APTX: variants seen among roughly 807,000 people sequenced by gnomAD.
APTX encodes aprataxin, also known as forkhead-associated domain histidine triad-like protein.
A neutral mutation model predicts 42.3 loss-of-function variants in APTX; 33 were observed. That is an observed-to-expected ratio of 0.78 (90% CI 0.59 to 1.04). The LOEUF (loss-of-function observed/expected upper bound fraction) is 1.04, where lower values mean the gene tolerates loss of function less well. Among genes scored for constraint, APTX ranks in the 50% least tolerant of loss-of-function variants. APTX has a pLI of 0.00. For missense variants in APTX, 421 were observed against 415.1 expected (o/e 1.01, Z -0.12); for synonymous variants, 130 against 146.7 (o/e 0.89, Z 0.82).
At chr9:32,989,034 C>A (rs967525957) in intron 2 of APTX, among the ~76,000 whole-genome samples, 1 of 152,158 alleles carries the variant, frequency 6.6e-6, no homozygotes, top group African/African-American at 2.4e-5. Flanking sequence ...GACAGGGTGC[C>A]ACATACATGC....
intron 6 of APTX, chr9:32,980,385 G>A: frequency 5.6e-6 from 1 of 177,674 alleles, no homozygotes. Flanking sequence ...ACTTGGCAAT[G>A]GGAACCACCT....
At chr9:33,022,883 C>G (rs531471431) in intron 1 of APTX, among the ~76,000 whole-genome samples, 7 of 152,206 alleles carry the variant, frequency 4.6e-5, no homozygotes, top group Non-Finnish European at 1.0e-4. Flanking sequence ...GCTCTGTCGT[C>G]CAGGCTGAGG....
At chr9:33,022,415 C>G (rs1027800485) in intron 1 of APTX, among the ~76,000 whole-genome samples, 2 of 152,224 alleles carry the variant, frequency 1.3e-5, no homozygotes, top group African/African-American at 4.8e-5. Context: ...CTCATATTGG[C>G]AAGGCCCACT....
chr9:33,016,361 C>CAACA lies in APTX; in HGVS notation c.-5+8658_-5+8661dup, dbSNP rs561413631. The CAACA allele has an allele frequency of 8.5e-5, 13 of 152,276 alleles. No homozygotes were observed. The South Asian group carries it at 2.5e-3, about 29-fold the overall frequency. The allele number at this position is 152,276 out of a possible 1,614,324, so 9.4% of individuals were successfully genotyped here. ...GTTTTAGCCATGTAAAAATTCATTT[C>CAACA]AACAAACAGCACACAGAAGATCTCA... On this transcript the variant is annotated intron_variant, in intron 1 of 6. Coordinates refer to the APTX transcript ENST00000436040.
upstream of APTX, among the ~76,000 whole-genome samples, chr9:33,002,266 T>C (rs977602108): frequency 1.3e-5 from 2 of 152,156 alleles, no homozygotes; most frequent in African/African-American, 4.8e-5. Context: ...GGTAAAAGTA[T>C]AGTTTATAAT....
intron 1 of APTX, chr9:33,024,666 A>G (rs796320288): frequency 3.9e-4 from 59 of 152,322 alleles, no homozygotes; most frequent in African/African-American, 1.3e-3. Context: ...TCCAGGGCAG[A>G]TAACATGTGT....
At chr9:32,999,900 C>A (rs1302493493) in intron 1 of APTX, among the ~76,000 whole-genome samples, 3 of 152,174 alleles carry the variant, frequency 2.0e-5, no homozygotes, top group Non-Finnish European at 4.4e-5. Context: ...GCGGAGCTTG[C>A]AGTGAGCCGA....
intron 1 of APTX, among the ~76,000 whole-genome samples, chr9:33,024,368 G>A (rs1427024329): frequency 6.6e-6 from 1 of 152,222 alleles, no homozygotes. Context: ...CCTGGATAAA[G>A]AAGCGGACCC....
chr9:32,986,055 C>CAA (rs748400752), intron 4 of APTX, 25 bp from the exon 5 acceptor site: 1,065 of 519,730 alleles, frequency 2.0e-3, no homozygotes, highest in South Asian at 3.1e-3. Context: ...AAAAAAAAAA[C>CAA]AAAAAAAAAA....
intron 1 of APTX, among the ~76,000 whole-genome samples, chr9:33,010,418 C>T (rs991412033): frequency 6.6e-6 from 1 of 152,124 alleles, no homozygotes; most frequent in African/African-American, 2.4e-5. Context: ...CCACAGTGAA[C>T]AAAACAAAGT....
rs1308904262 is a variant in APTX at position 32,974,516 on chromosome 9, G to A, written c.816C>T (p.Cys272=). Residue 272 remains cysteine, a synonymous_variant, in exon 7 of 8, where the codon TGC becomes TGT. Transcript: ENST00000379817. ...HVISQDFDSP[C]LKNKKHWNSF... ...AATTCCAATGTTTTTTGTTTTTAAG[G>A]CAAGGAGAATCAAAATCCTGGCTGA... 1.2e-6 allele frequency: 2 copies of A among 1,611,764 alleles called. No homozygotes were observed. The highest frequency in any genetic ancestry group is 2.7e-5 in the African/African-American group (2 of 74,792).
intron 1 of APTX, chr9:32,990,220 T>C (rs977225523): frequency 7.7e-5 from 18 of 233,746 alleles, no homozygotes; most frequent in African/African-American, 3.9e-4. Flanking sequence ...TCCCCCAGGC[T>C]GGCACGCAGT....
At chr9:33,019,400 TTTAAA>T (rs1318795305) in intron 1 of APTX, among the ~76,000 whole-genome samples, 4 of 152,168 alleles carry the variant, frequency 2.6e-5, no homozygotes, top group Non-Finnish European at 5.9e-5. Context: ...TTCTAAGAAA[TTTAAA>T]TTAATTTATA....
rs560119062 is a variant in APTX at position 33,001,311 on chromosome 9, G to C, written c.-5+256C>G. On this transcript the variant is annotated intron_variant, in intron 1 of 7. Coordinates refer to ENST00000379817, the MANE Select transcript of APTX (RefSeq NM_001195248.2). ...CCATTCTCTAATATTTTTTCGGCTT[G>C]TGTTGCGACCAAGGTACATACAGGT... 4.1e-4 allele frequency: 618 copies of C among 1,508,198 alleles called. 5 individuals carry two copies. Among genetic ancestry groups the C allele is most frequent in the Non-Finnish European group, 2.0e-4 (230 of 1,130,944 alleles). 93.4% of individuals were successfully genotyped at this position (1,508,198 alleles called of 1,614,324 possible). A position where few individuals can be genotyped will look rare whatever the true frequency, so the allele number is the denominator to read the frequency against.
rs773393618 is a variant in APTX, at chr9:32,974,497, A to G, written c.835T>C (p.Trp279Arg). 7 of 1,611,650 alleles carry G rather than the reference A, an allele frequency of 4.3e-6. No individual in the cohort carries two copies. The highest frequency in any genetic ancestry group is 5.9e-6 in the Non-Finnish European group (7 of 1,178,214). ...DSPCLKNKKHWNSFNTEYFLE... is the reference protein window; with the variant it reads ...DSPCLKNKKHRNSFNTEYFLE... Reference sequence around the variant, plus strand: ...AAGTATTCTGTATTGAAAGAATTCCAATGTTTTTTGTTTTTAAGGCAAGGA... The same window carrying G: ...AAGTATTCTGTATTGAAAGAATTCCGATGTTTTTTGTTTTTAAGGCAAGGA... Residue 279 changes from tryptophan (W) to arginine (R), a missense_variant, in exon 7 of 8, where the codon TGG becomes CGG. Coordinates refer to ENST00000379817, the MANE Select transcript of APTX (RefSeq NM_001195248.2).
rs34778324 is a variant in APTX at position 32,987,596 on chromosome 9, G to T, written c.431C>A (p.Ser144Tyr). ...CTTTAGGGGCACAGAGCATTGGCCA[G>T]AGTTGCTCCCAGGTTCCAGCCCTGT... Reference protein sequence around the residue: ...AGTGLEPGSNSGQCSVPLKKG... With the variant: ...AGTGLEPGSNYGQCSVPLKKG... Residue 144 changes from serine to tyrosine, a missense_variant, in exon 4 of 8, where the codon TCT (serine) becomes TAT (tyrosine). Coordinates refer to ENST00000379817, the MANE Select transcript of APTX (RefSeq NM_001195248.2). 12,496 of 1,614,140 alleles carry T rather than the reference G, an allele frequency of 7.7e-3. 56 individuals carry two copies. The highest frequency in any genetic ancestry group is 9.6e-3 in the Non-Finnish European group (11,371 of 1,180,030).
intron 1 of APTX, among the ~76,000 whole-genome samples, chr9:33,000,127 A>G (rs1835912511): frequency 6.6e-6 from 1 of 152,132 alleles, no homozygotes; most frequent in African/African-American, 2.4e-5. Context: ...ACTTGAGGCA[A>G]GTTATTTAAC....
intron 1 of APTX, among the ~76,000 whole-genome samples, chr9:32,992,207 G>C (rs1833811199): frequency 6.6e-6 from 1 of 152,110 alleles, no homozygotes; most frequent in Non-Finnish European, 1.5e-5. Flanking sequence ...TATGCCCTCT[G>C]CACAAGTTTC....
At chr9:33,020,284 G>A (rs946019712) in intron 1 of APTX, 1 of 162,322 alleles carries the variant, frequency 6.2e-6, no homozygotes, top group Non-Finnish European at 1.3e-5. Flanking sequence ...ACCCCAGGAA[G>A]GGGATCTCCA....
Sources: gnomAD v4.1 joint callset for allele counts (sites outside exome capture counted in the v4.1 genomes callset) on GRCh38, gnomAD v4.1.1 for gene constraint, MANE v1.5 for transcripts, NCBI Gene and HGNC (gene_info 2026-07-23, HGNC 2026-07-21) for gene names.